TPRG1: variants seen among roughly 807,000 people sequenced by gnomAD.
TPRG1 encodes the protein tumor protein p63 regulated 1, also known as tumor protein p63-regulated gene 1 protein.
Under a neutral mutation model 29.3 loss-of-function variants are expected in TPRG1, and 29 were observed. That is an observed-to-expected ratio of 0.99 (90% confidence interval 0.74 to 1.35). TPRG1 has a LOEUF of 1.35. Ranked by LOEUF, TPRG1 falls within the 40% of genes most tolerant of loss-of-function variation. TPRG1 has a pLI of 0.00. For synonymous variants in TPRG1, 130 were observed against 116.8 expected, an observed-to-expected ratio of 1.11 and a Z score of -0.73; for missense variants, 327 against 335.0, an observed-to-expected ratio of 0.98 and a Z score of 0.19.
Position 188,998,815 on chromosome 3 carries a change from G to A in TPRG1, c.-1015-1959G>A, listed in dbSNP as rs188006479. ...TGGAATGATGCTTACCAGAGGCTGA[G>A]GGGGTGTGGGAGGAAATGAAGAGAG... On this transcript the variant is annotated intron_variant, in intron 1 of 10. Transcript: ENST00000433971. 1.6e-4 allele frequency among the ~76,000 whole-genome samples: 24 copies of A among 152,258 alleles called. No homozygotes were observed. In the East Asian group the frequency reaches 4.3e-3, roughly 27 times the overall value.
chr3:189,233,377 G>T (rs2108916170), intron 3 of TPRG1, among the ~76,000 whole-genome samples: 1 of 152,254 alleles, frequency 6.6e-6, no homozygotes, highest in Middle Eastern at 3.4e-3. Context: ...CTGGGTGTGG[G>T]CACTGGAAGC....
chr3:189,022,927 TGGTGC>T (rs1377916892), intron 3 of TPRG1, among the ~76,000 whole-genome samples: 1 of 152,194 alleles, frequency 6.6e-6, no homozygotes, highest in African/African-American at 2.4e-5. Flanking sequence ...TATAATCTCA[TGGTGC>T]GCAGTTTTTT....
chr3:189,239,111 G>A (rs542672172), intron 4 of TPRG1, among the ~76,000 whole-genome samples: 19 of 152,174 alleles, frequency 1.2e-4, no homozygotes, highest in East Asian at 3.9e-4. Flanking sequence ...ATATTAGTTC[G>A]TTTTCACACT....
intron 3 of TPRG1, among the ~76,000 whole-genome samples, chr3:189,010,218 A>C (rs1390075603): frequency 6.6e-6 from 1 of 152,038 alleles, no homozygotes; most frequent in Non-Finnish European, 1.5e-5. Flanking sequence ...GGTTGATTCC[A>C]TGTCTTTGCT....
At chr3:189,205,400 T>C (rs1367177265) in intron 1 of TPRG1, among the ~76,000 whole-genome samples, 2 of 152,246 alleles carry the variant, frequency 1.3e-5, no homozygotes, top group African/African-American at 4.8e-5. Flanking sequence ...TCCAGTTCAC[T>C]CCTATCATCC....
intron 4 of TPRG1, among the ~76,000 whole-genome samples, chr3:189,049,670 C>T (rs1218835060): frequency 6.6e-6 from 1 of 152,198 alleles, no homozygotes; most frequent in Admixed American, 6.5e-5. Flanking sequence ...GAAAGCGCCA[C>T]CTCCTGGCCC....
chr3:189,054,430 C>T (rs974278895), intron 4 of TPRG1, among the ~76,000 whole-genome samples: 19 of 146,674 alleles, frequency 1.3e-4, no homozygotes, highest in African/African-American at 4.2e-4. Context: ...GGTGGGATTA[C>T]AAACATAAGC....
intron 3 of TPRG1, among the ~76,000 whole-genome samples, chr3:189,134,330 C>T (rs151175994): frequency 6.0e-5 from 9 of 151,188 alleles, no homozygotes; most frequent in East Asian, 2.0e-4. Flanking sequence ...CCATTACTAA[C>T]GTTATCTTTC....
Position 189,215,375 on chromosome 3 carries a change from C to T in TPRG1, c.294C>T (p.Leu98=), listed in dbSNP as rs753635101. 1 of 1,611,108 alleles carries T rather than the reference C, an allele frequency of 6.2e-7. No homozygotes were observed. The highest frequency in any genetic ancestry group is 8.5e-7 in the Non-Finnish European group (1 of 1,178,804). Residue 98 remains leucine, a synonymous_variant, in exon 3 of 6, where the codon CTC becomes CTT. Coordinates refer to ENST00000345063, the MANE Select transcript of TPRG1 (RefSeq NM_198485.4). Reference sequence around the variant, plus strand: ...GAGAGACCATTCAAGGCTTCTGGCTCTTGACAAAGTGAGTAGTCACAGCTA... The same window carrying T: ...GAGAGACCATTCAAGGCTTCTGGCTTTTGACAAAGTGAGTAGTCACAGCTA... The part of the protein sequence containing the change: ...TSGETIQGFW[L]LTKIDHWNNE...
intron 5 of TPRG1, among the ~76,000 whole-genome samples, chr3:189,313,861 T>C (rs1454384467): frequency 6.6e-6 from 1 of 152,094 alleles, no homozygotes; most frequent in African/African-American, 2.4e-5. Flanking sequence ...GGAGTAGAGG[T>C]ACATGAGAGT....
chr3:189,154,640 A>G (rs1398331388), intron 5 of TPRG1, among the ~76,000 whole-genome samples: 1 of 151,852 alleles, frequency 6.6e-6, no homozygotes, highest in Non-Finnish European at 1.5e-5. Context: ...ATGGGGTTTC[A>G]CTATGTTGGC....
intron 1 of TPRG1, among the ~76,000 whole-genome samples, chr3:189,201,690 C>A (rs756360542): frequency 6.6e-6 from 1 of 151,962 alleles, no homozygotes; most frequent in African/African-American, 2.4e-5. Context: ...CTCCATTTCA[C>A]CCAGGCTGGA....
chr3:189,121,978 A>G (rs1211864635), intron 1 of TPRG1: 1 of 151,922 alleles, frequency 6.6e-6, no homozygotes, highest in South Asian at 2.1e-4. Context: ...TTTCTTTAGT[A>G]TCTAGTATTT....
chr3:189,272,731 C>CCTTT (rs1715428830), intron 4 of TPRG1, among the ~76,000 whole-genome samples: 1 of 144,646 alleles, frequency 6.9e-6, no homozygotes, highest in African/African-American at 2.8e-5. Context: ...TTCCTTCCTT[C>CCTTT]CTTCCTTCCT....
chr3:189,124,549 T>G (rs900654927), intron 1 of TPRG1, among the ~76,000 whole-genome samples: 1 of 151,828 alleles, frequency 6.6e-6, no homozygotes. Flanking sequence ...TTTGTGTGTG[T>G]GTGTGTGTAT....
At chr3:189,309,486 A>C (rs1722144296) in intron 4 of TPRG1, among the ~76,000 whole-genome samples, 1 of 152,164 alleles carries the variant, frequency 6.6e-6, no homozygotes, top group Non-Finnish European at 1.5e-5. Flanking sequence ...CTTAGTTTCC[A>C]AGCTTGTCGA....
chr3:189,256,854 T>C (rs1011583785), intron 4 of TPRG1, among the ~76,000 whole-genome samples: 1 of 152,216 alleles, frequency 6.6e-6, no homozygotes, highest in South Asian at 2.1e-4. Context: ...TTCCATTTGC[T>C]TGGAAAATCT....
intron 4 of TPRG1, among the ~76,000 whole-genome samples, chr3:189,025,700 T>C (rs906354035): frequency 2.0e-5 from 3 of 152,214 alleles, no homozygotes; most frequent in Admixed American, 1.3e-4. Flanking sequence ...TTGCTGACAC[T>C]GAGAGGAAAG....
intron 1 of TPRG1, among the ~76,000 whole-genome samples, chr3:189,182,963 A>C (rs1393899382): frequency 6.6e-6 from 1 of 152,188 alleles, no homozygotes; most frequent in African/African-American, 2.4e-5. Flanking sequence ...AACATGTAAG[A>C]TCTATTCTCT....
Sources: gnomAD v4.1 joint callset for allele counts (sites outside exome capture counted in the v4.1 genomes callset) on GRCh38, gnomAD v4.1.1 for gene constraint, MANE v1.5 for transcripts, NCBI Gene and HGNC (gene_info 2026-07-23, HGNC 2026-07-21) for gene names.